CTNNBL1: variants seen among roughly 807,000 people sequenced by gnomAD.
The protein encoded by CTNNBL1 is beta-catenin-like protein 1.
Under a neutral mutation model 72.7 loss-of-function variants are expected in CTNNBL1, and 31 were observed. The observed-to-expected ratio is 0.43, with a 90% CI of 0.32 to 0.58. The LOEUF is 0.58. CTNNBL1 is among the 20% of genes least tolerant of loss of function. The pLI is 0.08. For synonymous variants in CTNNBL1, 240 were observed against 267.3 expected (o/e 0.90, Z 1.00); for missense variants, 534 against 725.1 (o/e 0.74, Z 3.03).
chr20:37,696,426 G>A (rs1435924515), intron 1 of CTNNBL1, among the ~76,000 whole-genome samples: 1 of 140,912 alleles, frequency 7.1e-6, no homozygotes, highest in Admixed American at 7.1e-5. Context: ...TGAAAATAAT[G>A]TACAATATCT....
chr20:37,855,320 A>G (rs1024065489), intron 13 of CTNNBL1, among the ~76,000 whole-genome samples: 2 of 151,866 alleles, frequency 1.3e-5, no homozygotes, highest in Non-Finnish European at 2.9e-5. Context: ...CCCACCCCCC[A>G]AATAGACTTA....
At chr20:37,761,069 G>A (rs1050152772) in intron 5 of CTNNBL1, among the ~76,000 whole-genome samples, 1 of 152,096 alleles carries the variant, frequency 6.6e-6, no homozygotes, top group South Asian at 2.1e-4. Context: ...GCAGTGTTCT[G>A]TGGACATGAA....
chr20:37,754,115 G>A (rs1322124076), intron 4 of CTNNBL1, among the ~76,000 whole-genome samples: 1 of 152,048 alleles, frequency 6.6e-6, no homozygotes, highest in Non-Finnish European at 1.5e-5. Flanking sequence ...TCTTTTTGAG[G>A]CTACTGTTTA....
chr20:37,785,712 A>C (rs1191957466), intron 10 of CTNNBL1, among the ~76,000 whole-genome samples: 1 of 152,126 alleles, frequency 6.6e-6, no homozygotes, highest in African/African-American at 2.4e-5. Flanking sequence ...GAAAGCTCAC[A>C]TATCTCTGTC....
intron 15 of CTNNBL1, among the ~76,000 whole-genome samples, chr20:37,871,174 G>A (rs1475407930): frequency 1.3e-5 from 2 of 152,144 alleles, no homozygotes; most frequent in Admixed American, 6.5e-5. Flanking sequence ...TGGGTCTAGG[G>A]TGGTCCCAAG....
At chr20:37,708,301 A>T (rs2072907524) in intron 1 of CTNNBL1, among the ~76,000 whole-genome samples, 4 of 151,630 alleles carry the variant, frequency 2.6e-5, no homozygotes, top group African/African-American at 9.7e-5. Context: ...ATCCCAGATT[A>T]GCTGGGACTA....
chr20:37,713,823 A>G (rs1042951454), intron 1 of CTNNBL1, among the ~76,000 whole-genome samples: 2 of 152,194 alleles, frequency 1.3e-5, no homozygotes, highest in Non-Finnish European at 2.9e-5. Flanking sequence ...ACCAAGCCAA[A>G]AGAACAAAAC....
At chr20:37,697,113 G>A (rs2072800023) in intron 1 of CTNNBL1, among the ~76,000 whole-genome samples, 1 of 152,008 alleles carries the variant, frequency 6.6e-6, no homozygotes, top group South Asian at 2.1e-4. Flanking sequence ...AACCTGGGAG[G>A]TAGAGGTTGC....
At chr20:37,815,906 G>A (rs1214872914) in intron 11 of CTNNBL1, among the ~76,000 whole-genome samples, 1 of 152,210 alleles carries the variant, frequency 6.6e-6, no homozygotes, top group Non-Finnish European at 1.5e-5. Context: ...GTGTTTGTTA[G>A]TGTCTACCTT....
At chr20:37,827,515 T>C (rs2122783425) in intron 11 of CTNNBL1, among the ~76,000 whole-genome samples, 1 of 152,342 alleles carries the variant, frequency 6.6e-6, no homozygotes, top group Non-Finnish European at 1.5e-5. Context: ...AAGATTTTTC[T>C]CAAAGTATGG....
At chr20:37,835,948 A>T (rs2072249900) in intron 11 of CTNNBL1, among the ~76,000 whole-genome samples, 2 of 152,336 alleles carry the variant, frequency 1.3e-5, no homozygotes, top group Admixed American at 6.5e-5. Flanking sequence ...CTTGGGAGAG[A>T]AGAATGGGTT....
At chr20:37,694,487 G>A (rs570755784) in intron 1 of CTNNBL1, among the ~76,000 whole-genome samples, 2 of 152,250 alleles carry the variant, frequency 1.3e-5, no homozygotes, top group East Asian at 3.9e-4. Flanking sequence ...GATGGTGGTG[G>A]CGGCGGTGGG....
rs6096446 is a variant in CTNNBL1 at position 37,834,944 on chromosome 20, A to G, written c.1214-5158A>G. 3.9e-3 allele frequency among the ~76,000 whole-genome samples: 590 copies of G among 152,374 alleles called. 2 individuals carry two copies. The highest frequency in any genetic ancestry group is 0.014 in the African/African-American group (569 of 41,592). On this transcript the variant is annotated intron_variant, in intron 11 of 15. Coordinates refer to ENST00000361383, the MANE Select transcript of CTNNBL1 (RefSeq NM_030877.5). ...ATTAGAAGGAGCTTTCACCAAAACAATATGGTGGCACTAAATCTTAGCTTT... is the reference window on the plus strand; with the variant it reads ...ATTAGAAGGAGCTTTCACCAAAACAGTATGGTGGCACTAAATCTTAGCTTT...
chr20:37,739,401 G>A (rs1165876690), intron 3 of CTNNBL1, among the ~76,000 whole-genome samples: 1 of 151,668 alleles, frequency 6.6e-6, no homozygotes, highest in African/African-American at 2.4e-5. Context: ...TTCATGGTTT[G>A]GAAATACCAT....
chr20:37,718,117 G>A (rs1294232776), intron 1 of CTNNBL1, among the ~76,000 whole-genome samples: 3 of 151,356 alleles, frequency 2.0e-5, no homozygotes, highest in African/African-American at 4.8e-5. Flanking sequence ...TCAATGAGCT[G>A]TTGGGTACAC....
intron 5 of CTNNBL1, among the ~76,000 whole-genome samples, chr20:37,763,680 C>T (rs115609774): frequency 1.3e-5 from 2 of 152,160 alleles, no homozygotes; most frequent in South Asian, 2.1e-4. Flanking sequence ...TGGATGAGAT[C>T]GTTTCCTTCT....
intron 11 of CTNNBL1, among the ~76,000 whole-genome samples, chr20:37,815,308 G>A (rs2072046409): frequency 6.6e-6 from 1 of 151,118 alleles, no homozygotes; most frequent in Non-Finnish European, 1.5e-5. Flanking sequence ...GGTGACATTG[G>A]CTCCTCCTTT....
intron 13 of CTNNBL1, among the ~76,000 whole-genome samples, chr20:37,852,764 A>G (rs2072408302): frequency 6.6e-6 from 1 of 152,050 alleles, no homozygotes; most frequent in South Asian, 2.1e-4. Context: ...GGTTTTTTGT[A>G]TCATACTCTG....
intron 3 of CTNNBL1, among the ~76,000 whole-genome samples, chr20:37,742,055 A>G (rs1362175023): frequency 1.3e-5 from 2 of 152,108 alleles, no homozygotes; most frequent in Non-Finnish European, 2.9e-5. Context: ...AAAGAAAGCT[A>G]TTCCATCATT....
Sources: gnomAD v4.1 joint callset for allele counts (sites outside exome capture counted in the v4.1 genomes callset) on GRCh38, gnomAD v4.1.1 for gene constraint, MANE v1.5 for transcripts, NCBI Gene and HGNC (gene_info 2026-07-23, HGNC 2026-07-21) for gene names.